Variants in SYT1 observed in about 807,000 individuals in gnomAD.
The protein encoded by SYT1 is synaptotagmin-1.
In SYT1, 8 loss-of-function variants were observed where a neutral mutation model predicts 44.8. That is an observed-to-expected ratio of 0.18 (90% confidence interval 0.10 to 0.32). SYT1 has a LOEUF of 0.32. Among genes scored for constraint, SYT1 ranks in the 10% least tolerant of loss-of-function variants. SYT1 has a pLI of 1.00. For synonymous variants in SYT1, 154 were observed against 188.8 expected, an observed-to-expected ratio of 0.82 and a Z score of 1.51; for missense variants, 286 against 509.3, an observed-to-expected ratio of 0.56 and a Z score of 4.22.
At chr12:79,135,419 T>C (rs1869126951) in intron 3 of SYT1, among the ~76,000 whole-genome samples, 1 of 152,144 alleles carries the variant, frequency 6.6e-6, no homozygotes, top group African/African-American at 2.4e-5. Context: ...ACTTCTAATA[T>C]CCTGCTAGTC....
intron 2 of SYT1, among the ~76,000 whole-genome samples, chr12:79,015,527 A>G (rs1197712308): frequency 1.3e-5 from 2 of 152,226 alleles, no homozygotes; most frequent in Non-Finnish European, 2.9e-5. Context: ...GATTTAAACT[A>G]GAAGAATCAG....
At chr12:79,165,313 A>G (rs964563541) in intron 3 of SYT1, among the ~76,000 whole-genome samples, 3 of 152,034 alleles carry the variant, frequency 2.0e-5, no homozygotes, top group Non-Finnish European at 4.4e-5. Flanking sequence ...GTATTTAAAT[A>G]GCCAAATTTA....
intron 8 of SYT1, among the ~76,000 whole-genome samples, chr12:79,316,549 C>T (rs1481750622): frequency 1.3e-5 from 2 of 152,064 alleles, no homozygotes; most frequent in Non-Finnish European, 2.9e-5. Context: ...GACCAGGACC[C>T]CAGGTAATAG....
At chr12:79,379,895 G>A (rs1026566713) in intron 9 of SYT1, among the ~76,000 whole-genome samples, 2 of 152,102 alleles carry the variant, frequency 1.3e-5, no homozygotes, top group African/African-American at 4.8e-5. Flanking sequence ...TTGAAAAGAT[G>A]AGGAAACAAG....
At chr12:79,399,188 C>T (rs762500620) in intron 9 of SYT1, among the ~76,000 whole-genome samples, 1 of 151,642 alleles carries the variant, frequency 6.6e-6, no homozygotes, top group South Asian at 2.1e-4. Flanking sequence ...GAATATTCAT[C>T]TTTTCCTTGT....
intron 4 of SYT1, among the ~76,000 whole-genome samples, chr12:79,226,374 T>C (rs1875522682): frequency 6.6e-6 from 1 of 152,168 alleles, no homozygotes; most frequent in Non-Finnish European, 1.5e-5. Flanking sequence ...TCTATGAAAC[T>C]CTCCTTTCTT....
intron 9 of SYT1, among the ~76,000 whole-genome samples, chr12:79,400,272 A>C (rs1885024173): frequency 6.6e-6 from 1 of 152,204 alleles, no homozygotes; most frequent in African/African-American, 2.4e-5. Context: ...CCACGATTTC[A>C]TCAAAATGTA....
intron 4 of SYT1, among the ~76,000 whole-genome samples, chr12:79,239,126 C>T (rs1206606046): frequency 6.6e-6 from 1 of 152,146 alleles, no homozygotes; most frequent in Admixed American, 6.5e-5. Context: ...ATTTTAGATA[C>T]TATGTTTCCC....
At chr12:79,250,721 C>T (rs949344510) in intron 4 of SYT1, among the ~76,000 whole-genome samples, 1 of 151,898 alleles carries the variant, frequency 6.6e-6, no homozygotes, top group Non-Finnish European at 1.5e-5. Flanking sequence ...TCAACTTCAA[C>T]TTGTGTGTTA....
At chr12:79,156,767 T>C (rs1870626727) in intron 3 of SYT1, among the ~76,000 whole-genome samples, 1 of 152,156 alleles carries the variant, frequency 6.6e-6, no homozygotes, top group Non-Finnish European at 1.5e-5. Context: ...GCACCTGGCC[T>C]GTTCAGTTAA....
At chr12:79,287,228 G>C (rs1270217234) in intron 5 of SYT1, among the ~76,000 whole-genome samples, 1 of 152,166 alleles carries the variant, frequency 6.6e-6, no homozygotes, top group East Asian at 1.9e-4. Flanking sequence ...TGAAATGCCT[G>C]TACTCATACT....
chr12:79,380,180 C>T (rs764424922), intron 9 of SYT1, among the ~76,000 whole-genome samples: 12 of 152,078 alleles, frequency 7.9e-5, no homozygotes, highest in African/African-American at 2.4e-4. Flanking sequence ...GCCACCCCCA[C>T]CAAAAAATAA....
At chr12:79,201,338 C>A (rs926719653) in intron 3 of SYT1, among the ~76,000 whole-genome samples, 13 of 152,148 alleles carry the variant, frequency 8.5e-5, no homozygotes, top group Admixed American at 7.2e-4. Flanking sequence ...GTTGATAAAT[C>A]TGAAAATATC....
intron 2 of SYT1, among the ~76,000 whole-genome samples, chr12:79,019,450 A>C (rs1350062342): frequency 1.3e-5 from 2 of 152,010 alleles, no homozygotes; most frequent in Non-Finnish European, 2.9e-5. Flanking sequence ...CTACACATTG[A>C]TAATATCATA....
intron 2 of SYT1, among the ~76,000 whole-genome samples, chr12:79,025,775 A>G (rs1269534822): frequency 1.3e-5 from 2 of 151,646 alleles, no homozygotes; most frequent in Non-Finnish European, 3.0e-5. Context: ...AGTGGTAGCA[A>G]GTTATAAAGC....
intron 8 of SYT1, among the ~76,000 whole-genome samples, chr12:79,323,662 A>G (rs1006003268): frequency 6.6e-6 from 1 of 152,156 alleles, no homozygotes; most frequent in African/African-American, 2.4e-5. Context: ...ATGCTGTAAC[A>G]TAATTTTACA....
At chr12:78,947,218 G>A (rs1341735092) in intron 1 of SYT1, among the ~76,000 whole-genome samples, 1 of 152,048 alleles carries the variant, frequency 6.6e-6, no homozygotes, top group African/African-American at 2.4e-5. Context: ...CTCATGTATT[G>A]CTTATTTCTT....
chr12:79,051,418 T>C (rs548903036), intron 3 of SYT1, among the ~76,000 whole-genome samples: 13 of 150,366 alleles, frequency 8.6e-5, no homozygotes, highest in Admixed American at 1.3e-4. Flanking sequence ...CTACTATATA[T>C]GTATAAAGAG....
chr12:79,238,114 G>A lies in SYT1; in HGVS notation c.166+20429G>A, dbSNP rs144311560. Among the ~76,000 whole-genome samples the A allele has an allele frequency of 3.3e-5, 5 of 152,084 alleles. 1 individual carries two copies. In the East Asian group the frequency reaches 9.6e-4, roughly 29 times the overall value. ...TCAGAGTTTTGTGGTTAACAGTGAGGTTGGTGTGATTGCTTGGTGTACAAT... is the reference window on the plus strand; with the variant it reads ...TCAGAGTTTTGTGGTTAACAGTGAGATTGGTGTGATTGCTTGGTGTACAAT... On this transcript the variant is annotated intron_variant, in intron 4 of 10. Coordinates refer to ENST00000261205, the MANE Select transcript of SYT1 (RefSeq NM_005639.3).
Sources: allele counts gnomAD v4.1 joint callset (sites outside exome capture counted in the v4.1 genomes callset), GRCh38; gene constraint gnomAD v4.1.1; transcripts MANE v1.5; gene names NCBI Gene and HGNC (gene_info 2026-07-23, HGNC 2026-07-21).